The following ERC2 variants were observed in gnomAD, a reference collection of about 807,000 sequenced individuals.
ERC2 encodes ERC protein 2.
In ERC2, 42 loss-of-function variants were observed where a neutral mutation model predicts 114.8. The ratio of observed to expected loss-of-function variants is 0.37; its 90% confidence interval spans 0.29 to 0.47. The LOEUF (loss-of-function observed/expected upper bound fraction) is 0.47. ERC2 is among the 20% of genes least tolerant of loss of function. The pLI, the probability that ERC2 is intolerant of heterozygous loss-of-function variation, is 0.99. For missense variants in ERC2, 939 were observed against 1,150.7 expected, an observed-to-expected ratio of 0.82 and a Z score of 2.66; for synonymous variants, 454 against 425.5, an observed-to-expected ratio of 1.07 and a Z score of -0.82.
At chr3:55,687,535 C>G (rs1559500748) in intron 16 of ERC2, among the ~76,000 whole-genome samples, 1 of 152,138 alleles carries the variant, frequency 6.6e-6, no homozygotes, top group Non-Finnish European at 1.5e-5. Context: ...TTCAAATAGC[C>G]TACTGCCTTT....
intron 14 of ERC2, among the ~76,000 whole-genome samples, chr3:55,797,795 C>G (rs895391019): frequency 7.9e-5 from 12 of 151,992 alleles, no homozygotes; most frequent in African/African-American, 2.9e-4. Context: ...TTTAGGTGCT[C>G]TTTCTACAAA....
At position 55,779,327 on chromosome 3, in the gene ERC2, CAAAAAA is replaced by C. The variant is rs60185894; in HGVS notation, c.2565-44415_2565-44410del. On this transcript the variant is annotated intron_variant, in intron 14 of 17. Coordinates refer to ENST00000288221, the MANE Select transcript of ERC2 (RefSeq NM_015576.3). ...TGAAACCCCATCTCTACTAAAAATA[CAAAAAA>C]AAAAAAAAAAAAAAAAAAATTAGCT... Among the ~76,000 whole-genome samples, 129 of 62,466 alleles carry C rather than the reference CAAAAAA, an allele frequency of 2.1e-3. 2 individuals are homozygous for C. Among genetic ancestry groups the C allele is most frequent in the African/African-American group, 5.1e-3 (105 of 20,770 alleles). The allele number at this position is 62,466 out of a possible 152,430, so 41.0% of individuals were successfully genotyped here.
At chr3:55,573,362 C>T (rs555995384) in intron 17 of ERC2, among the ~76,000 whole-genome samples, 1 of 152,310 alleles carries the variant, frequency 6.6e-6, no homozygotes, top group Non-Finnish European at 1.5e-5. Context: ...CAACAGCAAG[C>T]ACTCAATAAA....
At chr3:56,085,739 G>A (rs1490117404) in intron 6 of ERC2, among the ~76,000 whole-genome samples, 2 of 152,148 alleles carry the variant, frequency 1.3e-5, no homozygotes, top group African/African-American at 4.8e-5. Flanking sequence ...TGGATTACTG[G>A]AATATTGGCA....
chr3:55,902,692 T>A (rs1271177703), intron 13 of ERC2, among the ~76,000 whole-genome samples: 1 of 152,206 alleles, frequency 6.6e-6, no homozygotes, highest in East Asian at 1.9e-4. Context: ...CTGCTCAGCA[T>A]CCTCTTTGTA....
rs115495030 is a variant in ERC2 at position 56,152,492 on chromosome 3, C to G, written c.1150-3360G>C. On this transcript the variant is annotated intron_variant, in intron 4 of 17. Transcript: ENST00000288221. The stretch of plus-strand genomic sequence containing the variant: ...AAAAGTGGTTTACTGAGCTCCTGTT[C>G]TAAGCCCAGCACTTAAGACAACATC... Among the ~76,000 whole-genome samples, 103 of 152,150 alleles carry G rather than the reference C, an allele frequency of 6.8e-4. No individual in the cohort carries two copies. The South Asian group carries it at 9.5e-3, about 14-fold the overall frequency.
At chr3:55,569,111 G>C (rs570042146) in intron 17 of ERC2, among the ~76,000 whole-genome samples, 18 of 152,188 alleles carry the variant, frequency 1.2e-4, no homozygotes, top group African/African-American at 4.1e-4. Context: ...GAGGGGGAGG[G>C]GCTGCACATT....
intron 14 of ERC2, among the ~76,000 whole-genome samples, chr3:55,865,114 C>G (rs2062238920): frequency 6.6e-6 from 1 of 151,924 alleles, no homozygotes; most frequent in Non-Finnish European, 1.5e-5. Context: ...TGAAAAAGCC[C>G]TTTGTATATA....
intron 3 of ERC2, among the ~76,000 whole-genome samples, chr3:56,266,314 T>G (rs1331170822): frequency 6.6e-6 from 1 of 151,524 alleles, no homozygotes; most frequent in East Asian, 2.0e-4. Flanking sequence ...GTATTTTTAG[T>G]AGAGACAGGG....
chr3:56,218,835 T>C (rs2049692294), intron 3 of ERC2, among the ~76,000 whole-genome samples: 1 of 152,152 alleles, frequency 6.6e-6, no homozygotes, highest in African/African-American at 2.4e-5. Flanking sequence ...TCATGTCCTT[T>C]GTAGGGACAT....
At chr3:55,753,717 G>A (rs2066871905) in intron 14 of ERC2, among the ~76,000 whole-genome samples, 1 of 152,212 alleles carries the variant, frequency 6.6e-6, no homozygotes, top group Admixed American at 6.5e-5. Context: ...GCACAAAAGA[G>A]TTTTCCTTTT....
At chr3:55,551,689 A>G (rs1285427909) in intron 17 of ERC2, among the ~76,000 whole-genome samples, 2 of 152,304 alleles carry the variant, frequency 1.3e-5, no homozygotes, top group East Asian at 3.9e-4. Flanking sequence ...TCTCTGTTCA[A>G]TGAAGGCCTC....
chr3:55,760,388 G>C (rs921604095), intron 14 of ERC2, among the ~76,000 whole-genome samples: 1 of 152,056 alleles, frequency 6.6e-6, no homozygotes, highest in Admixed American at 6.6e-5. Context: ...TTTTGTAATA[G>C]TTACATGGGT....
chr3:55,800,175 C>G lies in ERC2; in HGVS notation c.2565-65257G>C, dbSNP rs79718274. On this transcript the variant is annotated intron_variant, in intron 14 of 17. Transcript: ENST00000288221. ...TTTCTTTGTTTCGTGGAGTCTTGCT[C>G]TGTTGCCCAGGCTGGAGTGCAATGG... is the stretch of plus-strand genomic sequence containing the variant. 4.8e-3 allele frequency among the ~76,000 whole-genome samples: 734 copies of G among 152,132 alleles called. 4 individuals are homozygous for G. Among genetic ancestry groups the G allele is most frequent in the African/African-American group, 0.017 (709 of 41,478 alleles).
chr3:56,368,390 AC>A (rs2150579251), intron 2 of ERC2, among the ~76,000 whole-genome samples: 1 of 152,222 alleles, frequency 6.6e-6, no homozygotes, highest in South Asian at 2.1e-4. Context: ...AAATAAAGCC[AC>A]CCCAGATGTT....
At chr3:55,731,926 T>C (rs1028855204) in intron 15 of ERC2, among the ~76,000 whole-genome samples, 1 of 152,166 alleles carries the variant, frequency 6.6e-6, no homozygotes, top group Non-Finnish European at 1.5e-5. Flanking sequence ...TTTTTTGGCA[T>C]CTACTTTACG....
chr3:55,984,822 G>A (rs2070463061), intron 12 of ERC2, among the ~76,000 whole-genome samples: 1 of 152,198 alleles, frequency 6.6e-6, no homozygotes, highest in South Asian at 2.1e-4. Context: ...GAGAGTGGCA[G>A]AGAAGTATTC....
At chr3:56,130,970 G>A (rs2080168959) in intron 6 of ERC2, among the ~76,000 whole-genome samples, 3 of 152,030 alleles carry the variant, frequency 2.0e-5, no homozygotes, top group Admixed American at 2.0e-4. Context: ...AATAAAAAGA[G>A]AATCAAAACA....
At chr3:56,191,220 C>T (rs979227260) in intron 3 of ERC2, among the ~76,000 whole-genome samples, 1 of 152,094 alleles carries the variant, frequency 6.6e-6, no homozygotes, top group African/African-American at 2.4e-5. Flanking sequence ...GGGAGGGAAA[C>T]CCAGGGGAGA....
Sources: gnomAD v4.1 joint callset for allele counts (sites outside exome capture counted in the v4.1 genomes callset) on GRCh38, gnomAD v4.1.1 for gene constraint, MANE v1.5 for transcripts, NCBI Gene and HGNC (gene_info 2026-07-23, HGNC 2026-07-21) for gene names.